Variants in SOX6 observed in about 807,000 individuals in gnomAD.
SOX6 encodes the protein transcription factor SOX-6.
In SOX6, 11 loss-of-function variants were observed where a neutral mutation model predicts 97.8. The observed-to-expected ratio is 0.11, with a 90% CI of 0.07 to 0.19. SOX6 has a LOEUF of 0.19. Ranked by LOEUF, SOX6 falls within the 10% of genes least tolerant of loss-of-function variation. The pLI is 1.00. For synonymous variants in SOX6, 360 were observed against 371.4 expected (o/e 0.97, Z 0.35); for missense variants, 810 against 1,039.5 (o/e 0.78, Z 3.04).
chr11:16,578,969 G>A (rs1231958563), intron 4 of SOX6, among the ~76,000 whole-genome samples: 2 of 151,966 alleles, frequency 1.3e-5, no homozygotes, highest in Admixed American at 6.6e-5. Flanking sequence ...GGAATTTTCA[G>A]CTCTCCTCTG....
At chr11:16,597,824 C>CT (rs1848228572) in intron 4 of SOX6, among the ~76,000 whole-genome samples, 1 of 151,886 alleles carries the variant, frequency 6.6e-6, no homozygotes, top group Non-Finnish European at 1.5e-5. Flanking sequence ...TTTTCTAGGC[C>CT]TTAGAATTGT....
At chr11:16,487,904 C>T (rs10832619) in intron 4 of SOX6, among the ~76,000 whole-genome samples, 3 of 151,964 alleles carry the variant, frequency 2.0e-5, no homozygotes, top group African/African-American at 4.8e-5. Context: ...GAGTTGACAC[C>T]GCCTGTTGTG....
At chr11:16,137,794 T>C (rs1012016975) in intron 6 of SOX6, among the ~76,000 whole-genome samples, 6 of 152,136 alleles carry the variant, frequency 3.9e-5, no homozygotes, top group Non-Finnish European at 7.4e-5. Context: ...CTGGGGGCAG[T>C]TCCCCCCATC....
intron 9 of SOX6, among the ~76,000 whole-genome samples, chr11:16,069,843 C>A (rs1426241667): frequency 2.6e-5 from 4 of 152,146 alleles, no homozygotes; most frequent in African/African-American, 7.2e-5. Flanking sequence ...CTGCAGCCAG[C>A]TCAAGAATGT....
chr11:16,696,638 T>C (rs1848055906), intron 3 of SOX6, among the ~76,000 whole-genome samples: 1 of 152,242 alleles, frequency 6.6e-6, no homozygotes, highest in Admixed American at 6.5e-5. Context: ...ACAATATATG[T>C]ACCTTAATTT....
chr11:16,448,868 C>A (rs1346593845), intron 1 of SOX6, among the ~76,000 whole-genome samples: 1 of 151,898 alleles, frequency 6.6e-6, no homozygotes, highest in Non-Finnish European at 1.5e-5. Context: ...CCTGTCTTTA[C>A]AAAAAACAAT....
In SOX6 at chr11:16,177,137, AT is replaced by A. The variant is rs1362635995; in HGVS notation, c.777+6748del. Among the ~76,000 whole-genome samples, 9 of 152,082 alleles carry A rather than the reference AT, an allele frequency of 5.9e-5. No homozygotes were observed. The East Asian group carries it at 1.7e-3, about 30-fold the overall frequency. Reference sequence around the variant, plus strand: ...AATACTTCATAGAAAGGACATTTTAATTCCCCAAAAGGTGGAAAAACATAAT... The same window carrying A: ...AATACTTCATAGAAAGGACATTTTAATCCCCAAAAGGTGGAAAAACATAAT... On this transcript the variant is annotated intron_variant, in intron 6 of 15. Coordinates refer to ENST00000683767, the MANE Select transcript of SOX6 (RefSeq NM_001367873.1).
At chr11:16,731,175 G>C (rs1005013843) in intron 2 of SOX6, among the ~76,000 whole-genome samples, 1 of 152,054 alleles carries the variant, frequency 6.6e-6, no homozygotes, top group Non-Finnish European at 1.5e-5. Flanking sequence ...AGATACAAAG[G>C]GGAGCTGGTA....
At chr11:16,123,648 C>G (rs1369988644) in intron 6 of SOX6, among the ~76,000 whole-genome samples, 1 of 151,932 alleles carries the variant, frequency 6.6e-6, no homozygotes. Context: ...TAACCTGCAA[C>G]CCCTGACCTC....
At chr11:16,288,844 G>A (rs1042719203) in intron 3 of SOX6, among the ~76,000 whole-genome samples, 3 of 151,806 alleles carry the variant, frequency 2.0e-5, no homozygotes, top group Non-Finnish European at 4.4e-5. Flanking sequence ...ATCCTGATTT[G>A]TCTCAAACCT....
At chr11:16,320,462 T>C (rs570281833) in intron 2 of SOX6, among the ~76,000 whole-genome samples, 29 of 152,276 alleles carry the variant, frequency 1.9e-4, no homozygotes, top group African/African-American at 7.0e-4. Context: ...TGTCATTGTA[T>C]ATAAGGTGGG....
intron 9 of SOX6, 112 bp downstream of exon 9, chr11:16,095,884 T>C (rs1848781541): frequency 4.1e-6 from 5 of 1,209,594 alleles, no homozygotes; most frequent in Non-Finnish European, 5.9e-6. Flanking sequence ...AAAGATTAAG[T>C]TCAGTGTTTA....
At chr11:16,409,904 A>T (rs557663329) in intron 1 of SOX6, among the ~76,000 whole-genome samples, 62 of 152,248 alleles carry the variant, frequency 4.1e-4, no homozygotes, top group Non-Finnish European at 5.9e-4. Context: ...AATAAGGCCC[A>T]AATATATAGA....
chr11:16,149,638 T>C (rs1166443694), intron 6 of SOX6, among the ~76,000 whole-genome samples: 1 of 152,172 alleles, frequency 6.6e-6, no homozygotes, highest in Non-Finnish European at 1.5e-5. Flanking sequence ...TGGTTGTTTT[T>C]TGAAAAATTA....
intron 6 of SOX6, among the ~76,000 whole-genome samples, chr11:16,167,826 C>T (rs929436039): frequency 1.8e-4 from 28 of 152,186 alleles, no homozygotes; most frequent in African/African-American, 6.8e-4. Context: ...TCCCTTTCCT[C>T]CTTCCCTGCT....
At chr11:16,491,942 G>C (rs1483128519) in intron 4 of SOX6, among the ~76,000 whole-genome samples, 2 of 151,978 alleles carry the variant, frequency 1.3e-5, no homozygotes, top group African/African-American at 2.4e-5. Flanking sequence ...GCCTTCAAAG[G>C]TTCCATGAAC....
intron 3 of SOX6, among the ~76,000 whole-genome samples, chr11:16,637,759 T>C (rs754400910): frequency 6.6e-6 from 1 of 152,130 alleles, no homozygotes. Context: ...TGGCCATCCT[T>C]AAAATATATT....
At chr11:16,686,153 A>G (rs1213412224) in intron 3 of SOX6, among the ~76,000 whole-genome samples, 2 of 152,244 alleles carry the variant, frequency 1.3e-5, no homozygotes, top group Non-Finnish European at 2.9e-5. Context: ...GGTCTCTGAA[A>G]TGCCTTCAAG....
chr11:16,571,515 G>A (rs764029727), intron 4 of SOX6, among the ~76,000 whole-genome samples: 5 of 152,086 alleles, frequency 3.3e-5, no homozygotes, highest in Non-Finnish European at 7.4e-5. Flanking sequence ...ACTACGACCT[G>A]GAACTCCTGG....
Sources: gnomAD v4.1 joint callset for allele counts (sites outside exome capture counted in the v4.1 genomes callset) on GRCh38, gnomAD v4.1.1 for gene constraint, MANE v1.5 for transcripts, NCBI Gene and HGNC (gene_info 2026-07-23, HGNC 2026-07-21) for gene names.